The following IMPG2 variants were observed in gnomAD, a reference collection of about 807,000 sequenced individuals.
IMPG2 encodes IPM 200.
A neutral mutation model predicts 129.2 loss-of-function variants in IMPG2; 91 were observed. That is an observed-to-expected ratio of 0.70 (90% confidence interval 0.59 to 0.84). The LOEUF is 0.84. Among genes scored for constraint, IMPG2 ranks in the 40% least tolerant of loss-of-function variants. IMPG2 has a pLI of 0.00. For synonymous variants in IMPG2, 510 were observed against 517.7 expected, an observed-to-expected ratio of 0.99 and a Z score of 0.20; for missense variants, 1,430 against 1,461.7, an observed-to-expected ratio of 0.98 and a Z score of 0.35.
At chr3:101,291,055 T>A (rs1031057020) in intron 4 of IMPG2, among the ~76,000 whole-genome samples, 1 of 152,212 alleles carries the variant, frequency 6.6e-6, no homozygotes, top group African/African-American at 2.4e-5. Context: ...TAATAGGTTA[T>A]GCTATTCCTA....
In IMPG2 at chr3:101,291,425, G is replaced by A. The variant is rs1223891623; in HGVS notation, c.533+54C>T. ...AAATTTGGGGTGAGTCTTGAATTAG[G>A]CTATGACACATCTGTGTTGCCAAAC... On this transcript the variant is annotated intron_variant, in intron 4 of 18. Coordinates refer to ENST00000193391, the MANE Select transcript of IMPG2 (RefSeq NM_016247.4). The A allele has an allele frequency of 2.8e-5, 41 of 1,460,900 alleles. 1 individual carries two copies. The East Asian group carries it at 9.1e-4, about 32-fold the overall frequency. 90.5% of individuals were successfully genotyped at this position (1,460,900 alleles called of 1,614,324 possible). A position where few individuals can be genotyped will look rare whatever the true frequency, so the allele number is the denominator to read the frequency against.
chr3:101,272,050 C>T (rs75402467), intron 7 of IMPG2, among the ~76,000 whole-genome samples: 3 of 151,978 alleles, frequency 2.0e-5, no homozygotes, highest in African/African-American at 7.3e-5. Flanking sequence ...TGTTGTACTT[C>T]GTGTTATCCC....
intron 11 of IMPG2, among the ~76,000 whole-genome samples, chr3:101,248,665 G>A (rs1479845697): frequency 6.6e-6 from 1 of 152,128 alleles, no homozygotes; most frequent in Non-Finnish European, 1.5e-5. Context: ...ATAACAGAAA[G>A]TCATTGGCTC....
rs1706185797 is a variant in IMPG2 at position 101,223,369 on chromosome 3, G to GA, written c.*3599_*3600insT. On this transcript the variant is annotated 3_prime_UTR_variant, in exon 19 of 19. Transcript: ENST00000193391. ...CAACCCGTTTGGGGTTTGTGTTTTT[G>GA]TTTTTTTGCTAAAACATCTCAATTT... 6.6e-6 allele frequency: 1 copy of GA among 152,050 alleles called. No individual in the cohort carries two copies. The highest frequency in any genetic ancestry group is 1.5e-5 in the Non-Finnish European group (1 of 67,988). The allele number at this position is 152,050 out of a possible 1,614,324, so 9.4% of individuals were successfully genotyped here.
intron 4 of IMPG2, among the ~76,000 whole-genome samples, chr3:101,283,185 G>A (rs763892936): frequency 1.4e-4 from 21 of 151,978 alleles, no homozygotes; most frequent in African/African-American, 1.7e-4. Flanking sequence ...ACCATGCCTG[G>A]CTAATTTTTT....
intron 5 of IMPG2, among the ~76,000 whole-genome samples, chr3:101,275,974 C>G (rs1349601244): frequency 6.6e-6 from 1 of 152,034 alleles, no homozygotes; most frequent in Non-Finnish European, 1.5e-5. Context: ...TACTATATGC[C>G]AGACTCTGCA....
chr3:101,243,781 A>G lies in IMPG2; in HGVS notation c.2550T>C (p.Tyr850=). 6.2e-7 allele frequency: 1 copy of G among 1,614,030 alleles called. No individual in the cohort carries two copies. The change falls in exon 13 of 19, where the codon TAT becomes TAC. Residue 850 remains tyrosine (Y), a synonymous_variant. Coordinates refer to ENST00000193391, the MANE Select transcript of IMPG2 (RefSeq NM_016247.4). ...LELDRIGTDY[Y]QPEQVQEQNG... ...TTTGCTCTTGGACTTGCTCAGGCTG[A>G]TAGTAATCTGTGCCTATCCGGTCCA...
At chr3:101,296,520 GTT>G (rs1316001875) in intron 3 of IMPG2, among the ~76,000 whole-genome samples, 5 of 152,092 alleles carry the variant, frequency 3.3e-5, no homozygotes, top group Non-Finnish European at 7.4e-5. Context: ...TTGGCCTAAA[GTT>G]TTCTTTTTTT....
chr3:101,293,816 A>G (rs1707047611), intron 3 of IMPG2, among the ~76,000 whole-genome samples: 1 of 152,190 alleles, frequency 6.6e-6, no homozygotes, highest in African/African-American at 2.4e-5. Context: ...TTATAAAGAT[A>G]GCTTCTATTC....
At position 101,244,686 on chromosome 3, in the gene IMPG2, C is replaced by T. The variant is rs745427362; in HGVS notation, c.1645G>A (p.Glu549Lys). 6.2e-7 allele frequency: 1 copy of T among 1,614,066 alleles called. No homozygotes were observed. Among genetic ancestry groups the T allele is most frequent in the Non-Finnish European group, 8.5e-7 (1 of 1,179,964 alleles). ...GATGTTAAGGACACATCAGAGTCTT[C>T]CATGGATGGTATTGTTTCTTTTGGC... ...PVPKETIPSM[E>K]DSDVSLTSSP... Residue 549 changes from glutamate (E) to lysine (K), a missense_variant, in exon 13 of 19, where the codon GAA (glutamate) becomes AAA (lysine). Physicochemically the swap from Glu to Lys is moderately conservative, Grantham distance 56. Coordinates refer to ENST00000193391, the MANE Select transcript of IMPG2 (RefSeq NM_016247.4).
intron 3 of IMPG2, 79 bp downstream of exon 3, chr3:101,304,067 C>T: frequency 1.3e-6 from 2 of 1,488,574 alleles, no homozygotes; most frequent in South Asian, 2.3e-5. Context: ...TTGCCACTTG[C>T]TTTTGCTTCC....
intron 2 of IMPG2, among the ~76,000 whole-genome samples, chr3:101,317,577 T>C (rs1440130174): frequency 6.6e-6 from 1 of 152,200 alleles, no homozygotes; most frequent in African/African-American, 2.4e-5. Context: ...GCAAGACCTA[T>C]GTTAAAATAC....
chr3:101,269,468 A>C, intron 8 of IMPG2, 47 bp downstream of exon 8: 2 of 1,040,726 alleles, frequency 1.9e-6, no homozygotes, highest in Non-Finnish European at 3.0e-6. Context: ...TCCATTCAGA[A>C]TAAAGAATAC....
In IMPG2 at chr3:101,225,552, A is replaced by G. The variant is rs1015872287; in HGVS notation, c.*1417T>C. On this transcript the variant is annotated 3_prime_UTR_variant, in exon 19 of 19. Transcript: ENST00000193391. Reference sequence around the variant, plus strand: ...CAGATATTTAGTTTCCGGTGTCCTCATAATGAGCAGAATTGGCAGTCATCA... The same window carrying G: ...CAGATATTTAGTTTCCGGTGTCCTCGTAATGAGCAGAATTGGCAGTCATCA... The G allele has an allele frequency of 6.6e-6, 1 of 152,232 alleles. No individual in the cohort carries two copies. The highest frequency in any genetic ancestry group is 1.5e-5 in the Non-Finnish European group (1 of 68,050). 9.4% of individuals were successfully genotyped at this position (152,232 alleles called of 1,614,324 possible). A position where few individuals can be genotyped will look rare whatever the true frequency, so the allele number is the denominator to read the frequency against.
At chr3:101,291,696 C>A (rs1464704015) in intron 3 of IMPG2, among the ~76,000 whole-genome samples, 186 bp from the exon 4 acceptor site, 1 of 152,136 alleles carries the variant, frequency 6.6e-6, no homozygotes, top group African/African-American at 2.4e-5. Context: ...TATAGCAACA[C>A]CCTGACATTC....
intron 10 of IMPG2, among the ~76,000 whole-genome samples, chr3:101,255,244 A>G (rs1263784873): frequency 6.6e-6 from 1 of 152,144 alleles, no homozygotes; most frequent in East Asian, 1.9e-4. Context: ...TTGGCCTGAC[A>G]ATAGCAATAA....
intron 7 of IMPG2, among the ~76,000 whole-genome samples, chr3:101,270,291 G>C (rs1423533894): frequency 6.6e-6 from 1 of 152,118 alleles, no homozygotes; most frequent in Non-Finnish European, 1.5e-5. Flanking sequence ...AAACAGTCTA[G>C]TGTTTGTTTT....
chr3:101,307,085 G>A (rs992448082), intron 2 of IMPG2, among the ~76,000 whole-genome samples: 6 of 152,098 alleles, frequency 3.9e-5, no homozygotes, highest in African/African-American at 1.2e-4. Context: ...GTAAAAGGCT[G>A]GAATATATAC....
intron 3 of IMPG2, among the ~76,000 whole-genome samples, chr3:101,293,771 A>G (rs1257856240): frequency 6.6e-6 from 1 of 152,238 alleles, no homozygotes; most frequent in Non-Finnish European, 1.5e-5. Context: ...CTTCTAGACA[A>G]CTTGCTACAG....
Sources: allele counts gnomAD v4.1 joint callset (sites outside exome capture counted in the v4.1 genomes callset), GRCh38; gene constraint gnomAD v4.1.1; transcripts MANE v1.5; gene names NCBI Gene and HGNC (gene_info 2026-07-23, HGNC 2026-07-21).